Variants in RPL3 observed in about 807,000 individuals in gnomAD.
RPL3 encodes the protein ribosomal protein L3.
RPL3 carries 3 observed loss-of-function variants against 46.0 expected under a neutral mutation model. The ratio of observed to expected loss-of-function variants is 0.07; its 90% confidence interval spans 0.03 to 0.17. The LOEUF (loss-of-function observed/expected upper bound fraction) is 0.17. Among genes scored for constraint, RPL3 ranks in the 10% least tolerant of loss-of-function variants. RPL3 has a pLI of 1.00. For synonymous variants in RPL3, 224 were observed against 190.8 expected (o/e 1.17, Z -1.43); for missense variants, 387 against 532.7 (o/e 0.73, Z 2.69).
chr22:39,319,220 C>T (rs1367658042), intron 1 of RPL3: 11 of 520,252 alleles, frequency 2.1e-5, no homozygotes, highest in South Asian at 1.5e-4. Flanking sequence ...CCAATGAGAA[C>T]GGCGCCGAGA....
Position 39,313,554 on chromosome 22 carries a change from A to C in RPL3, c.1047+80T>G, listed in dbSNP as rs909683. On this transcript the variant is annotated intron_variant, in intron 8 of 9. Coordinates refer to ENST00000216146, the MANE Select transcript of RPL3 (RefSeq NM_000967.4). Reference sequence around the variant, plus strand: ...CACCCTCTCCTTCCTTTCCTCTCCCACCACAGGGCCACCAGCGTCTGTGGC... The same window carrying C: ...CACCCTCTCCTTCCTTTCCTCTCCCCCCACAGGGCCACCAGCGTCTGTGGC... 5,940 of 1,419,794 alleles carry C rather than the reference A, an allele frequency of 4.2e-3. 198 individuals carry two copies. The Admixed American group carries it at 0.066, about 16-fold the overall frequency. 87.9% of individuals were successfully genotyped at this position (1,419,794 alleles called of 1,614,324 possible).
chr22:39,317,143 C>A, intron 3 of RPL3: 1 of 583,494 alleles, frequency 1.7e-6, no homozygotes, highest in Non-Finnish European at 3.1e-6. Flanking sequence ...GACATTCCAC[C>A]CAGGGCCAGA....
At chr22:39,316,044 A>G (rs1180618847) in intron 4 of RPL3, among the ~76,000 whole-genome samples, 2 of 152,322 alleles carry the variant, frequency 1.3e-5, no homozygotes, top group African/African-American at 4.8e-5. Context: ...GTTCAAAACC[A>G]GCCTGACCAA....
In RPL3 at chr22:39,313,245, G is replaced by A. The variant is rs376619725; in HGVS notation, c.1113C>T (p.Thr371=). The A allele has an allele frequency of 1.1e-5, 18 of 1,611,722 alleles. No individual in the cohort carries two copies. The African/African-American group carries it at 1.9e-4, about 17-fold the overall frequency. The change falls in exon 9 of 10, where the codon ACC becomes ACT. Residue 371 remains threonine, a synonymous_variant. Transcript: ENST00000216146. ...EKIDLKFIDT[T]SKFGHGRFQT... is the part of the protein sequence containing the mutation. The stretch of plus-strand genomic sequence containing the variant: ...GGAAGCGGCCATGGCCAAACTTGGA[G>A]GTGGTGTCAATGAACTTAAGGTCAA...
chr22:39,317,853 G>A (rs1387508682), intron 2 of RPL3: 1 of 531,472 alleles, frequency 1.9e-6, no homozygotes, highest in East Asian at 3.0e-5. Flanking sequence ...TACCTGTCCA[G>A]CTTCAATTCT....
chr22:39,313,614 C>T lies in RPL3; in HGVS notation c.1047+20G>A. 6.2e-7 allele frequency: 1 copy of T among 1,610,054 alleles called. No homozygotes were observed. The highest frequency in any genetic ancestry group is 8.5e-7 in the Non-Finnish European group (1 of 1,177,562). On this transcript the variant is annotated intron_variant, in intron 8 of 9. Transcript: ENST00000216146. Reference sequence around the variant, plus strand: ...TCCCTCTACAAGAGCCCCCCCATGACAAGTCAGGACCTGCCTCACCTTGCG... The same window carrying T: ...TCCCTCTACAAGAGCCCCCCCATGATAAGTCAGGACCTGCCTCACCTTGCG...
intron 3 of RPL3, chr22:39,317,183 T>G: frequency 1.8e-6 from 1 of 565,372 alleles, no homozygotes; most frequent in East Asian, 3.0e-5. Flanking sequence ...GGGGTTTAAT[T>G]ATTCTGCTAC....
intron 2 of RPL3, 130 bp from the exon 3 acceptor site, chr22:39,317,759 C>T: frequency 1.1e-6 from 1 of 946,986 alleles, no homozygotes; most frequent in East Asian, 2.5e-5. Context: ...TACGGACTCA[C>T]AGGGCTGTCC....
At chr22:39,315,081 A>C (rs1922595675) in intron 5 of RPL3, 2 of 698,980 alleles carry the variant, frequency 2.9e-6, no homozygotes, top group East Asian at 5.3e-5. Context: ...TCCCCCATTC[A>C]CAGGGACTGA....
chr22:39,314,949 T>A, intron 5 of RPL3, 103 bp from the exon 6 acceptor site: 1 of 1,484,380 alleles, frequency 6.7e-7, no homozygotes, highest in Non-Finnish European at 9.2e-7. Context: ...TCTGAGGGAG[T>A]GATAAGATTA....
rs895583709 is a variant in RPL3 at position 39,319,617 on chromosome 22, G to A, written c.-20C>T. ...TACCATCACGCCATCAAATCCCGCC[G>A]GTAGAGGCCGGTCGGCCTTACGGGT... On this transcript the variant is annotated 5_prime_UTR_variant, in exon 1 of 10. Transcript: ENST00000216146. 37 of 1,550,064 alleles carry A rather than the reference G, an allele frequency of 2.4e-5. No homozygotes were observed. Among genetic ancestry groups the A allele is most frequent in the South Asian group, 8.3e-5 (7 of 84,772 alleles).
chr22:39,317,109 C>G, intron 3 of RPL3: 1 of 600,834 alleles, frequency 1.7e-6, no homozygotes, highest in Non-Finnish European at 3.0e-6. Flanking sequence ...CCTGGGGAAG[C>G]CCACTCAGTG....
intron 1 of RPL3, chr22:39,319,383 G>T: frequency 1.5e-6 from 1 of 662,308 alleles, no homozygotes; most frequent in Non-Finnish European, 2.6e-6. Flanking sequence ...GCCTCTCTCT[G>T]GCCGACCTGC....
chr22:39,318,679 G>T, intron 1 of RPL3, 87 bp from the exon 2 acceptor site: 1 of 1,160,570 alleles, frequency 8.6e-7, no homozygotes, highest in Non-Finnish European at 1.2e-6. Flanking sequence ...CCAAATCTCA[G>T]CAATACTGAA....
At chr22:39,316,486 C>CTCA (rs1922697626) in intron 4 of RPL3, among the ~76,000 whole-genome samples, 1 of 152,222 alleles carries the variant, frequency 6.6e-6, no homozygotes, top group African/African-American at 2.4e-5. Flanking sequence ...CAGCCAGTAC[C>CTCA]TCACAACCGA....
At chr22:39,313,160 C>T (rs747543330) in intron 9 of RPL3, 31 bp downstream of exon 9, 2 of 1,604,636 alleles carry the variant, frequency 1.2e-6, no homozygotes, top group Middle Eastern at 1.7e-4. Flanking sequence ...AGCCACCACA[C>T]CCAGCGAGGG....
At position 39,314,690 on chromosome 22, in the gene RPL3, T is replaced by C. The variant is rs777352920; in HGVS notation, c.845A>G (p.Lys282Arg). ...GAGCCACTCTCAGAACCTCACCTTCTTGTTGATCTCAGTGCGGTGATGGTA... is the reference window on the plus strand; with the variant it reads ...GAGCCACTCTCAGAACCTCACCTTCCTGTTGATCTCAGTGCGGTGATGGTA... ...KGYHHRTEIN[K>R]KIYKIGQGYL... The change falls in exon 6 of 10, where the codon AAG (lysine) becomes AGG (arginine). Residue 282 changes from lysine (K) to arginine (R), a missense_variant. Physicochemically the swap from Lys to Arg is conservative, Grantham distance 26 (BLOSUM62 2). Transcript: ENST00000216146. The C allele has an allele frequency of 1.2e-6, 2 of 1,612,084 alleles. No individual in the cohort carries two copies. Among genetic ancestry groups the C allele is most frequent in the Admixed American group, 3.3e-5 (2 of 59,846 alleles).
At chr22:39,317,166 C>T in intron 3 of RPL3, 1 of 577,298 alleles carries the variant, frequency 1.7e-6, no homozygotes, top group East Asian at 3.0e-5. Flanking sequence ...CCCTTGCCAC[C>T]CCTATAGGGG....
intron 2 of RPL3, chr22:39,318,010 A>T (rs1186905141): frequency 1.2e-5 from 4 of 335,224 alleles, no homozygotes; most frequent in South Asian, 1.1e-4. Context: ...GCTGTTAGAC[A>T]TCTCTAAGTA....
Sources: allele counts gnomAD v4.1 joint callset (sites outside exome capture counted in the v4.1 genomes callset), GRCh38; gene constraint gnomAD v4.1.1; transcripts MANE v1.5; gene names NCBI Gene and HGNC (gene_info 2026-07-23, HGNC 2026-07-21).